The following KCNQ3 variants were observed in gnomAD, a reference collection of about 807,000 sequenced individuals.
KCNQ3 encodes potassium voltage-gated channel subfamily KQT member 3.
Under a neutral mutation model 92.5 loss-of-function variants are expected in KCNQ3, and 30 were observed. The ratio of observed to expected loss-of-function variants is 0.32; its 90% confidence interval spans 0.24 to 0.44. The LOEUF is 0.44. Ranked by LOEUF, KCNQ3 falls within the 20% of genes least tolerant of loss-of-function variation. KCNQ3 has a pLI of 1.00. For synonymous variants in KCNQ3, 450 were observed against 468.8 expected, an observed-to-expected ratio of 0.96 and a Z score of 0.52; for missense variants, 913 against 1,140.3, an observed-to-expected ratio of 0.80 and a Z score of 2.87.
intron 1 of KCNQ3, among the ~76,000 whole-genome samples, chr8:132,213,602 G>A (rs1017172936): frequency 6.6e-6 from 1 of 152,162 alleles, no homozygotes; most frequent in Non-Finnish European, 1.5e-5. Context: ...CTGAGCTGAT[G>A]GCAGAGCTCA....
intron 1 of KCNQ3, among the ~76,000 whole-genome samples, chr8:132,360,588 T>C (rs1819137628): frequency 6.6e-6 from 1 of 152,160 alleles, no homozygotes. Flanking sequence ...GCCCAGCCCT[T>C]GATCTAAGCC....
chr8:132,159,685 T>G (rs558981961), intron 9 of KCNQ3, among the ~76,000 whole-genome samples: 5 of 152,236 alleles, frequency 3.3e-5, no homozygotes, highest in Non-Finnish European at 4.4e-5. Flanking sequence ...AGATAAGAGA[T>G]AAAGAGAGAA....
At chr8:132,367,896 G>A (rs751646126) in intron 1 of KCNQ3, among the ~76,000 whole-genome samples, 5 of 152,242 alleles carry the variant, frequency 3.3e-5, no homozygotes, top group South Asian at 2.1e-4. Context: ...GAATATGACC[G>A]GGCATGCAGT....
chr8:132,259,897 A>T (rs1303827223), intron 1 of KCNQ3, among the ~76,000 whole-genome samples: 1 of 152,188 alleles, frequency 6.6e-6, no homozygotes, highest in Non-Finnish European at 1.5e-5. Flanking sequence ...ATATAATTAC[A>T]TGTACAATAG....
intron 1 of KCNQ3, among the ~76,000 whole-genome samples, chr8:132,361,973 A>G (rs1042362583): frequency 1.3e-5 from 2 of 152,170 alleles, no homozygotes; most frequent in African/African-American, 4.8e-5. Context: ...TAACACAATT[A>G]TGTTAGCAAA....
At chr8:132,202,940 T>G (rs1827506115) in intron 1 of KCNQ3, among the ~76,000 whole-genome samples, 1 of 151,584 alleles carries the variant, frequency 6.6e-6, no homozygotes, top group Non-Finnish European at 1.5e-5. Flanking sequence ...TGTTTTGTTT[T>G]GTCATAATAG....
chr8:132,191,521 T>C (rs1187651684), intron 1 of KCNQ3, among the ~76,000 whole-genome samples: 1 of 150,324 alleles, frequency 6.7e-6, no homozygotes, highest in African/African-American at 2.5e-5. Flanking sequence ...TATCTCTCTC[T>C]CTATATATAT....
intron 1 of KCNQ3, among the ~76,000 whole-genome samples, chr8:132,443,715 C>G (rs916525243): frequency 6.6e-6 from 1 of 152,038 alleles, no homozygotes; most frequent in Non-Finnish European, 1.5e-5. Flanking sequence ...GTTTCATTTT[C>G]TTAATTTTGC....
chr8:132,347,581 C>A lies in KCNQ3; in HGVS notation c.386+132566G>T, dbSNP rs185760600. 8.1e-4 allele frequency among the ~76,000 whole-genome samples: 123 copies of A among 152,268 alleles called. 1 individual carries two copies. The highest frequency in any genetic ancestry group is 2.9e-3 in the African/African-American group (122 of 41,558). ...AGGACAGGCCCCTCAGAGCAAAGGGCAGCAGCAACCTAACTTACATAATTC... is the reference window on the plus strand; with the variant it reads ...AGGACAGGCCCCTCAGAGCAAAGGGAAGCAGCAACCTAACTTACATAATTC... On this transcript the variant is annotated intron_variant, in intron 1 of 14. Transcript: ENST00000388996.
intron 1 of KCNQ3, among the ~76,000 whole-genome samples, chr8:132,221,951 A>T (rs28610249): frequency 0.012 from 1,813 of 152,344 alleles, 20 homozygotes; most frequent in South Asian, 0.049. Flanking sequence ...TAGACCTGAA[A>T]CCATAAAAAC....
chr8:132,135,615 T>C (rs929445017), intron 12 of KCNQ3, among the ~76,000 whole-genome samples: 1 of 152,150 alleles, frequency 6.6e-6, no homozygotes, highest in Non-Finnish European at 1.5e-5. Flanking sequence ...GCCACTGTCA[T>C]AGTCCACTCT....
intron 11 of KCNQ3, among the ~76,000 whole-genome samples, chr8:132,139,671 C>T (rs1346369343): frequency 6.6e-6 from 1 of 152,028 alleles, no homozygotes; most frequent in Non-Finnish European, 1.5e-5. Context: ...AAAATGCGAA[C>T]TAATTAAAAC....
intron 9 of KCNQ3, among the ~76,000 whole-genome samples, chr8:132,151,193 A>G (rs1825626620): frequency 6.6e-6 from 1 of 152,190 alleles, no homozygotes; most frequent in Admixed American, 6.5e-5. Flanking sequence ...TGCTGGAAGG[A>G]GTCAAACCTT....
intron 1 of KCNQ3, among the ~76,000 whole-genome samples, chr8:132,303,578 ATGGTGTGTGTG>A (rs372896208): frequency 0.01 from 384 of 37,200 alleles, 2 homozygotes; most frequent in Middle Eastern, 0.019. Context: ...ATATATATAT[ATGGTGTGTGTG>A]TATATATATA....
At chr8:132,247,812 A>G (rs1453875868) in intron 1 of KCNQ3, among the ~76,000 whole-genome samples, 1 of 151,968 alleles carries the variant, frequency 6.6e-6, no homozygotes, top group Non-Finnish European at 1.5e-5. Context: ...AAAAAAAAAA[A>G]GACAGAATAT....
intron 9 of KCNQ3, among the ~76,000 whole-genome samples, chr8:132,154,588 G>T (rs1198323855): frequency 6.6e-6 from 1 of 152,128 alleles, no homozygotes; most frequent in Non-Finnish European, 1.5e-5. Flanking sequence ...GGCTGGTAAG[G>T]TCCCTGGAGA....
intron 1 of KCNQ3, among the ~76,000 whole-genome samples, chr8:132,451,214 T>C (rs542618956): frequency 1.3e-5 from 2 of 152,366 alleles, no homozygotes; most frequent in South Asian, 4.1e-4. Context: ...CTGTCTTGCC[T>C]GCTGCCATGT....
intron 9 of KCNQ3, among the ~76,000 whole-genome samples, chr8:132,145,486 A>G (rs891563268): frequency 2.0e-5 from 3 of 152,240 alleles, no homozygotes; most frequent in South Asian, 2.1e-4. Context: ...ATTCAATTTC[A>G]TCTGTAAAAT....
chr8:132,345,888 G>A (rs769217004), intron 1 of KCNQ3, among the ~76,000 whole-genome samples: 3 of 152,008 alleles, frequency 2.0e-5, no homozygotes, highest in Non-Finnish European at 4.4e-5. Context: ...AGGATGGAAT[G>A]GTGATGATGA....
Sources: gnomAD v4.1 joint callset for allele counts (sites outside exome capture counted in the v4.1 genomes callset) on GRCh38, gnomAD v4.1.1 for gene constraint, MANE v1.5 for transcripts, NCBI Gene and HGNC (gene_info 2026-07-23, HGNC 2026-07-21) for gene names.